FYB1: variants seen among roughly 807,000 people sequenced by gnomAD.
The protein encoded by FYB1 is FYN-binding protein 1.
In FYB1, 41 loss-of-function variants were observed where a neutral mutation model predicts 94.1. That is an observed-to-expected ratio of 0.44 (90% CI 0.34 to 0.57). The LOEUF is 0.57. FYB1 is among the 20% of genes least tolerant of loss of function. The probability of loss-of-function intolerance (pLI) is 0.02; values close to 1 mark genes in which losing one functional copy is unlikely to be tolerated. For synonymous variants in FYB1, 367 were observed against 353.2 expected (o/e 1.04, Z -0.44); for missense variants, 1,050 against 976.8 (o/e 1.07, Z -1.00).
At chr5:39,132,794 T>C (rs960405347) in intron 9 of FYB1, among the ~76,000 whole-genome samples, 2 of 152,210 alleles carry the variant, frequency 1.3e-5, no homozygotes, top group African/African-American at 2.4e-5. Context: ...GAGTGTGCTT[T>C]TTAAAAAACA....
intron 2 of FYB1, among the ~76,000 whole-genome samples, chr5:39,155,997 C>T (rs959958893): frequency 2.6e-5 from 4 of 152,116 alleles, no homozygotes; most frequent in Non-Finnish European, 5.9e-5. Flanking sequence ...AGAGAATACG[C>T]CTCTGTGAGT....
intron 2 of FYB1, among the ~76,000 whole-genome samples, chr5:39,185,971 C>T (rs949010217): frequency 6.6e-6 from 1 of 152,062 alleles, no homozygotes; most frequent in Non-Finnish European, 1.5e-5. Flanking sequence ...TGAGCAGAGT[C>T]CCGCTGGCTG....
intron 2 of FYB1, among the ~76,000 whole-genome samples, chr5:39,194,116 G>T (rs1747613130): frequency 6.6e-6 from 1 of 152,148 alleles, no homozygotes; most frequent in Admixed American, 6.5e-5. Flanking sequence ...GGAAATCCAG[G>T]CAGAAAAGCA....
chr5:39,138,874 A>G (rs772469537), intron 5 of FYB1, 183 bp from the exon 6 acceptor site: 12 of 642,830 alleles, frequency 1.9e-5, no homozygotes, highest in Admixed American at 2.4e-5. Flanking sequence ...TTGAAAGAAT[A>G]ATTCAAATAC....
chr5:39,133,233 A>G (rs904016089), intron 9 of FYB1, among the ~76,000 whole-genome samples: 1 of 152,206 alleles, frequency 6.6e-6, no homozygotes, highest in African/African-American at 2.4e-5. Context: ...GTTATGAAGA[A>G]TGCAGACACA....
intron 7 of FYB1, 62 bp downstream of exon 7, chr5:39,137,538 C>T (rs2150323384): frequency 2.7e-6 from 4 of 1,498,412 alleles, no homozygotes; most frequent in Non-Finnish European, 3.6e-6. Flanking sequence ...GAATGGTACC[C>T]CTTTTGTGTG....
intron 1 of FYB1, among the ~76,000 whole-genome samples, chr5:39,206,730 C>T (rs1254883435): frequency 1.3e-5 from 2 of 152,168 alleles, no homozygotes; most frequent in African/African-American, 2.4e-5. Flanking sequence ...GGTGACCTTC[C>T]CTAGTTCTCT....
upstream of FYB1, among the ~76,000 whole-genome samples, chr5:39,220,757 G>T (rs79893081): frequency 6.6e-6 from 1 of 152,184 alleles, no homozygotes; most frequent in Non-Finnish European, 1.5e-5. Flanking sequence ...TTTCCTCCCC[G>T]TATGATTTTC....
chr5:39,234,318 A>T (rs1176198817), intron 1 of FYB1, among the ~76,000 whole-genome samples: 1 of 152,118 alleles, frequency 6.6e-6, no homozygotes, highest in Non-Finnish European at 1.5e-5. Context: ...TGTGAATCTT[A>T]GTTAATTTAT....
chr5:39,205,123 C>A (rs182944943), intron 1 of FYB1, among the ~76,000 whole-genome samples: 1 of 152,116 alleles, frequency 6.6e-6, no homozygotes, highest in East Asian at 1.9e-4. Context: ...GTACCAAGAA[C>A]AAAAATTTGC....
intron 1 of FYB1, among the ~76,000 whole-genome samples, chr5:39,240,006 C>T (rs1170683014): frequency 3.3e-5 from 5 of 152,052 alleles, no homozygotes; most frequent in African/African-American, 1.2e-4. Flanking sequence ...GGATATAAAG[C>T]CCTGAAGTAA....
intron 2 of FYB1, among the ~76,000 whole-genome samples, chr5:39,158,816 ACCATATTGCTGCTC>A (rs1743990294): frequency 6.6e-6 from 1 of 152,156 alleles, no homozygotes; most frequent in South Asian, 2.1e-4. Flanking sequence ...AAGACGTTAT[ACCATATTGCTGCTC>A]CCAATTGCCA....
intron 2 of FYB1, among the ~76,000 whole-genome samples, chr5:39,182,667 G>C (rs1746368793): frequency 6.6e-6 from 1 of 152,124 alleles, no homozygotes; most frequent in Admixed American, 6.6e-5. Flanking sequence ...TATTATTTAA[G>C]GTCTTTGAAA....
chr5:39,138,576 G>T, intron 6 of FYB1, 81 bp downstream of exon 6: 1 of 770,478 alleles, frequency 1.3e-6, no homozygotes, highest in Non-Finnish European at 2.1e-6. Context: ...TCCTAGTGTT[G>T]TTATATACCC....
intron 1 of FYB1, among the ~76,000 whole-genome samples, chr5:39,203,653 C>T (rs1039420525): frequency 3.9e-5 from 6 of 152,006 alleles, no homozygotes; most frequent in East Asian, 1.9e-4. Flanking sequence ...TACTAGCAGG[C>T]GATTGTACTC....
chr5:39,186,874 A>T (rs1289048712), intron 2 of FYB1, among the ~76,000 whole-genome samples: 1 of 152,064 alleles, frequency 6.6e-6, no homozygotes, highest in East Asian at 1.9e-4. Context: ...ATTCTATGAC[A>T]TAGTAGACTT....
rs534855000 is a variant in FYB1 at position 39,265,219 on chromosome 5, C to T, written c.-28+9184G>A. On this transcript the variant is annotated intron_variant, in intron 1 of 1. Transcript: ENST00000510188. Reference sequence around the variant, plus strand: ...GGGCCTGGCCAGGTGTGGTGGCTCACGCCTGTAATCCCAGCATTCTGGGAG... The same window carrying T: ...GGGCCTGGCCAGGTGTGGTGGCTCATGCCTGTAATCCCAGCATTCTGGGAG... 8.6e-4 allele frequency among the ~76,000 whole-genome samples: 131 copies of T among 152,172 alleles called. 1 individual carries two copies. In the South Asian group the frequency reaches 0.012, roughly 14 times the overall value.
intron 1 of FYB1, among the ~76,000 whole-genome samples, chr5:39,210,556 C>G (rs140144688): frequency 6.6e-6 from 1 of 152,140 alleles, no homozygotes; most frequent in Non-Finnish European, 1.5e-5. Flanking sequence ...TTTTGTGTAC[C>G]CCCTGTTTTT....
chr5:39,265,781 C>T (rs1010499716), intron 1 of FYB1, among the ~76,000 whole-genome samples: 1 of 152,176 alleles, frequency 6.6e-6, no homozygotes, highest in African/African-American at 2.4e-5. Context: ...CCGTGGGAAG[C>T]CTGGACACCA....
Sources: gnomAD v4.1 joint callset for allele counts (sites outside exome capture counted in the v4.1 genomes callset) on GRCh38, gnomAD v4.1.1 for gene constraint, MANE v1.5 for transcripts, NCBI Gene and HGNC (gene_info 2026-07-23, HGNC 2026-07-21) for gene names.